The following SPN variants were observed in gnomAD, a reference collection of about 807,000 sequenced individuals.
SPN encodes the protein sialophorin.
In SPN, 6 loss-of-function variants were observed where a neutral mutation model predicts 8.4. The observed-to-expected ratio is 0.72, with a 90% confidence interval of 0.39 to 1.42. SPN has a LOEUF of 1.42. Ranked by LOEUF, SPN falls within the 40% of genes most tolerant of loss-of-function variation. The probability of loss-of-function intolerance (pLI) is 0.02; values close to 1 mark genes in which losing one functional copy is unlikely to be tolerated. For missense variants in SPN, 517 were observed against 530.6 expected (o/e 0.97, Z 0.25); for synonymous variants, 201 against 222.6 (o/e 0.90, Z 0.86).
Position 29,664,989 on chromosome 16 carries a change from C to G in SPN, c.*58C>G. The G allele has an allele frequency of 7.6e-7, 1 of 1,316,158 alleles. No individual in the cohort carries two copies. The highest frequency in any genetic ancestry group is 1.5e-5 in the African/African-American group (1 of 66,046). 81.5% of individuals were successfully genotyped at this position (1,316,158 alleles called of 1,614,324 possible). On this transcript the variant is annotated 3_prime_UTR_variant, in exon 2 of 2. Transcript: ENST00000652691. The surrounding 1 kb of genome is among the most constrained non-coding windows in gnomAD (Gnocchi z 6.4). The stretch of plus-strand genomic sequence containing the variant: ...TCTCAGCCAGCCTCCAGCACCTTCC[C>G]TCTCACCATCCCACTGCCCCCTCGC...
chr16:29,664,195 G>A lies in SPN; in HGVS notation c.467G>A (p.Ser156Asn), dbSNP rs1270577102. The A allele has an allele frequency of 1.2e-6, 2 of 1,613,658 alleles. No individual in the cohort carries two copies. Among genetic ancestry groups the A allele is most frequent in the African/African-American group, 1.3e-5 (1 of 74,806 alleles). ...GGAGCCCCTGTTACCACGGCAGCTA[G>A]CTCTCTGGAGACCTCCAGAGGCACC... Reference protein sequence around the residue: ...TSGAPVTTAASSLETSRGTSG... With the variant: ...TSGAPVTTAANSLETSRGTSG... Residue 156 changes from serine (S) to asparagine (N), a missense_variant, in exon 2 of 2, where the codon AGC becomes AAC. Coordinates refer to ENST00000652691, the MANE Select transcript of SPN (RefSeq NM_003123.6). This position sits in a 1 kb window ranked among gnomAD's most constrained non-coding sequence, Gnocchi z 6.4.
rs985840202 is a variant in SPN, at chr16:29,665,880, T to TGGCCCA, written c.*950_*955dup. On this transcript the variant is annotated 3_prime_UTR_variant, in exon 2 of 2. Transcript: ENST00000652691. ...GGGCACATGGACTGTAGGCTGGCCC[T>TGGCCCA]GGCCCACACCACCACACTCTCCCCA... 1 of 167,116 alleles carries TGGCCCA rather than the reference T, an allele frequency of 6.0e-6. No homozygotes were observed. Among genetic ancestry groups the TGGCCCA allele is most frequent in the Non-Finnish European group, 1.5e-5 (1 of 68,180 alleles). 10.4% of individuals were successfully genotyped at this position (167,116 alleles called of 1,614,324 possible). A position where few individuals can be genotyped will look rare whatever the true frequency, so the allele number is the denominator to read the frequency against.
Position 29,664,576 on chromosome 16 carries a change from G to A in SPN, c.848G>A (p.Arg283Gln), listed in dbSNP as rs774722271. 6.8e-6 allele frequency: 11 copies of A among 1,612,070 alleles called. No homozygotes were observed. Among genetic ancestry groups the A allele is most frequent in the Non-Finnish European group, 8.5e-6 (10 of 1,179,376 alleles). Residue 283 changes from arginine (R) to glutamine (Q), a missense_variant, in exon 2 of 2, where the codon CGG becomes CAG. Arg to Gln is a conservative substitution (Grantham distance 43). Coordinates refer to ENST00000652691, the MANE Select transcript of SPN (RefSeq NM_003123.6). The surrounding 1 kb of genome is among the most constrained non-coding windows in gnomAD (Gnocchi z 6.4). The part of the protein sequence containing the change: ...LLLLWRRRQK[R>Q]RTGALVLSRG... ...CTGCTGTGGCGCCGGCGGCAGAAGC[G>A]GCGGACTGGGGCCCTCGTGCTGAGC...
Position 29,666,903 on chromosome 16 carries a change from T to C in SPN, c.*1972T>C. 2 of 470,614 alleles carry C rather than the reference T, an allele frequency of 4.2e-6. No homozygotes were observed. Among genetic ancestry groups the C allele is most frequent in the Non-Finnish European group, 8.8e-6 (2 of 226,816 alleles). 29.2% of individuals were successfully genotyped at this position (470,614 alleles called of 1,614,324 possible). A position where few individuals can be genotyped will look rare whatever the true frequency, so the allele number is the denominator to read the frequency against. ...AAAGAGGAAATTTTCAAAGAGGAAG[T>C]TGTTGAGTTAGAGCTTGCGGTGGCT... On this transcript the variant is annotated 3_prime_UTR_variant, in exon 2 of 2. Coordinates refer to ENST00000652691, the MANE Select transcript of SPN (RefSeq NM_003123.6).
In SPN at chr16:29,670,252, G is replaced by C. The variant is rs992363422; in HGVS notation, c.*5321G>C. 1 of 153,920 alleles carries C rather than the reference G, an allele frequency of 6.5e-6. No homozygotes were observed. The highest frequency in any genetic ancestry group is 1.9e-4 in the East Asian group (1 of 5,238). The allele number at this position is 153,920 out of a possible 1,614,324, so 9.5% of individuals were successfully genotyped here. On this transcript the variant is annotated 3_prime_UTR_variant, in exon 2 of 2. Coordinates refer to ENST00000652691, the MANE Select transcript of SPN (RefSeq NM_003123.6). ...CTCACACCTGTAATCCCAGCACTTT[G>C]GGAGGCCGAGGCAGTCAGATCATGA... is the stretch of plus-strand genomic sequence containing the variant.
chr16:29,666,522 T>TCA lies in SPN; in HGVS notation c.*1592_*1593insAC, dbSNP rs1395729410. 818 of 137,554 alleles carry TCA rather than the reference T, an allele frequency of 5.9e-3. 2 individuals carry two copies. The highest frequency in any genetic ancestry group is 9.6e-3 in the Admixed American group (123 of 12,820). The allele number at this position is 137,554 out of a possible 1,614,324, so 8.5% of individuals were successfully genotyped here. A position where few individuals can be genotyped will look rare whatever the true frequency, so the allele number is the denominator to read the frequency against. On this transcript the variant is annotated 3_prime_UTR_variant, in exon 2 of 2. Coordinates refer to ENST00000652691, the MANE Select transcript of SPN (RefSeq NM_003123.6). The stretch of plus-strand genomic sequence containing the variant: ...TGTGCGCTCTCTCTCTCTCTCTCTC[T>TCA]CTCACACACACACACACACACACAC...
chr16:29,666,692 G>A lies in SPN; in HGVS notation c.*1761G>A, dbSNP rs1350290397. The A allele has an allele frequency of 2.9e-6, 1 of 348,542 alleles. No homozygotes were observed. Among genetic ancestry groups the A allele is most frequent in the African/African-American group, 2.2e-5 (1 of 46,502 alleles). 21.6% of individuals were successfully genotyped at this position (348,542 alleles called of 1,614,324 possible). ...TCTGTGTCTCCTCTTCCATCCCAGG[G>A]GCTGAGCCCCTTCCATCCTCCAAGA... On this transcript the variant is annotated 3_prime_UTR_variant, in exon 2 of 2. Coordinates refer to ENST00000652691, the MANE Select transcript of SPN (RefSeq NM_003123.6).
Position 29,669,038 on chromosome 16 carries a change from C to A in SPN, c.*4107C>A, listed in dbSNP as rs1163573715. 2.4e-5 allele frequency: 4 copies of A among 165,518 alleles called. No homozygotes were observed. Among genetic ancestry groups the A allele is most frequent in the African/African-American group, 7.3e-5 (3 of 41,026 alleles). The allele number at this position is 165,518 out of a possible 1,614,324, so 10.3% of individuals were successfully genotyped here. A position where few individuals can be genotyped will look rare whatever the true frequency, so the allele number is the denominator to read the frequency against. ...TGGTGCATGCCTGTAGTACCAGCTACTTGAGAAGCTGAGGCAGGAGGACTG... is the reference window on the plus strand; with the variant it reads ...TGGTGCATGCCTGTAGTACCAGCTAATTGAGAAGCTGAGGCAGGAGGACTG... On this transcript the variant is annotated 3_prime_UTR_variant, in exon 2 of 2. Transcript: ENST00000652691.
rs556240980 is a variant in SPN, at chr16:29,664,750, C to G, written c.1022C>G (p.Thr341Arg). The G allele has an allele frequency of 2.1e-5, 32 of 1,488,442 alleles. No individual in the cohort carries two copies. The highest frequency in any genetic ancestry group is 2.8e-5 in the Non-Finnish European group (31 of 1,120,934). 92.2% of individuals were successfully genotyped at this position (1,488,442 alleles called of 1,614,324 possible). The stretch of plus-strand genomic sequence containing the variant: ...GGGGAGGGGTCTAGCCGTCGGCCCA[C>G]GCTCACCACTTTCTTTGGCAGACGG... The part of the protein sequence containing the change: ...PDGEGSSRRP[T>R]LTTFFGRRKS... Residue 341 changes from threonine to arginine, a missense_variant, in exon 2 of 2, where the codon ACG (threonine) becomes AGG (arginine). Coordinates refer to ENST00000652691, the MANE Select transcript of SPN (RefSeq NM_003123.6). This position sits in a 1 kb window ranked among gnomAD's most constrained non-coding sequence, Gnocchi z 6.4.
At position 29,666,830 on chromosome 16, in the gene SPN, C is replaced by T. The variant is rs528782110; in HGVS notation, c.*1899C>T. 41 of 459,608 alleles carry T rather than the reference C, an allele frequency of 8.9e-5. No individual in the cohort carries two copies. Among genetic ancestry groups the T allele is most frequent in the East Asian group, 7.0e-4 (10 of 14,302 alleles). 28.5% of individuals were successfully genotyped at this position (459,608 alleles called of 1,614,324 possible). On this transcript the variant is annotated 3_prime_UTR_variant, in exon 2 of 2. Coordinates refer to ENST00000652691, the MANE Select transcript of SPN (RefSeq NM_003123.6). ...CTGCCTTTGAGACCAGCCCAGGCTACAGCCCAGGAGCACACATGGGCCAGG... is the reference window on the plus strand; with the variant it reads ...CTGCCTTTGAGACCAGCCCAGGCTATAGCCCAGGAGCACACATGGGCCAGG...
In SPN at chr16:29,667,935, C is replaced by T. The variant is rs565362513; in HGVS notation, c.*3004C>T. ...GCATGTGCGTGCGTGCATGTGCGTGCGTGCATGTGCCTGTGTGTGTATGTG... is the reference window on the plus strand; with the variant it reads ...GCATGTGCGTGCGTGCATGTGCGTGTGTGCATGTGCCTGTGTGTGTATGTG... On this transcript the variant is annotated 3_prime_UTR_variant, in exon 2 of 2. Coordinates refer to ENST00000652691, the MANE Select transcript of SPN (RefSeq NM_003123.6). 27 of 166,538 alleles carry T rather than the reference C, an allele frequency of 1.6e-4. No homozygotes were observed. Among genetic ancestry groups the T allele is most frequent in the Non-Finnish European group, 3.1e-4 (21 of 68,160 alleles). The allele number at this position is 166,538 out of a possible 1,614,324, so 10.3% of individuals were successfully genotyped here. A position where few individuals can be genotyped will look rare whatever the true frequency, so the allele number is the denominator to read the frequency against.
chr16:29,662,981 TCTG>T (rs921003686), upstream of SPN: 1 of 152,352 alleles, frequency 6.6e-6, no homozygotes, highest in African/African-American at 2.4e-5. Flanking sequence ...ACCACCCACC[TCTG>T]AGCCCAGCCC....
At position 29,663,863 on chromosome 16, in the gene SPN, C is replaced by T. The variant is rs1225312437; in HGVS notation, c.135C>T (p.Tyr45=). The T allele has an allele frequency of 1.9e-6, 3 of 1,614,162 alleles. No individual in the cohort carries two copies. Among genetic ancestry groups the T allele is most frequent in the Non-Finnish European group, 8.5e-7 (1 of 1,180,022 alleles). ...STSEPLSSKM[Y]TTSITSDPKA... Reference sequence around the variant, plus strand: ...GCGAGCCCCTGAGCTCAAAGATGTACACCACTTCAATAACAAGTGACCCTA... The same window carrying T: ...GCGAGCCCCTGAGCTCAAAGATGTATACCACTTCAATAACAAGTGACCCTA... Residue 45 remains tyrosine, a synonymous_variant, in exon 2 of 2, where the codon TAC becomes TAT. Transcript: ENST00000652691. The surrounding 1 kb of genome is among the most constrained non-coding windows in gnomAD (Gnocchi z 4.3).
rs979633156 is a variant in SPN at position 29,663,538 on chromosome 16, C to T, written c.-34-157C>T. On this transcript the variant is annotated intron_variant, in intron 1 of 1. Coordinates refer to ENST00000652691, the MANE Select transcript of SPN (RefSeq NM_003123.6). This position sits in a 1 kb window ranked among gnomAD's most constrained non-coding sequence, Gnocchi z 4.3. ...GATGGGGGAGCTGCCAGCATCTGTT[C>T]CTCTGTCATTTCTGATAACAGTAAA... 6.6e-6 allele frequency among the ~76,000 whole-genome samples: 1 copy of T among 152,192 alleles called. No homozygotes were observed. Among genetic ancestry groups the T allele is most frequent in the African/African-American group, 2.4e-5 (1 of 41,450 alleles).
Position 29,664,287 on chromosome 16 carries a change from G to C in SPN, c.559G>C (p.Val187Leu), listed in dbSNP as rs746713679. Residue 187 changes from valine (V) to leucine (L), a missense_variant, in exon 2 of 2, where the codon GTT (valine) becomes CTT (leucine). By Grantham distance (32) the Val-to-Leu change is conservative (BLOSUM62 1). Coordinates refer to ENST00000652691, the MANE Select transcript of SPN (RefSeq NM_003123.6). This position sits in a 1 kb window ranked among gnomAD's most constrained non-coding sequence, Gnocchi z 6.4. ...ETSKGTSGPP[V>L]TMATDSLETS... ...TTCCAAAGGCACCTCTGGACCCCCT[G>C]TTACCATGGCAACTGACTCTCTGGA... The C allele has an allele frequency of 9.9e-6, 16 of 1,613,714 alleles. No homozygotes were observed. The highest frequency in any genetic ancestry group is 1.4e-5 in the Non-Finnish European group (16 of 1,179,938).
chr16:29,666,649 G>A lies in SPN; in HGVS notation c.*1718G>A, dbSNP rs1301587628. ...TCTGGCTGGCGCTTCCCCACTGCAC[G>A]TTTCCAGGTTTAGTTTGTCTGTGTC... On this transcript the variant is annotated 3_prime_UTR_variant, in exon 2 of 2. Coordinates refer to ENST00000652691, the MANE Select transcript of SPN (RefSeq NM_003123.6). 12 of 313,084 alleles carry A rather than the reference G, an allele frequency of 3.8e-5. 1 individual carries two copies. Among genetic ancestry groups the A allele is most frequent in the South Asian group, 9.2e-5 (3 of 32,530 alleles). 19.4% of individuals were successfully genotyped at this position (313,084 alleles called of 1,614,324 possible).
rs1173265308 is a variant in SPN, at chr16:29,667,932, G to A, written c.*3001G>A. On this transcript the variant is annotated 3_prime_UTR_variant, in exon 2 of 2. Transcript: ENST00000652691. Reference sequence around the variant, plus strand: ...TGTGCATGTGCGTGCGTGCATGTGCGTGCGTGCATGTGCCTGTGTGTGTAT... The same window carrying A: ...TGTGCATGTGCGTGCGTGCATGTGCATGCGTGCATGTGCCTGTGTGTGTAT... The A allele has an allele frequency of 3.0e-5, 5 of 166,640 alleles. No individual in the cohort carries two copies. The highest frequency in any genetic ancestry group is 9.7e-5 in the African/African-American group (4 of 41,384). The allele number at this position is 166,640 out of a possible 1,614,324, so 10.3% of individuals were successfully genotyped here.
chr16:29,668,940 G>C lies in SPN; in HGVS notation c.*4009G>C, dbSNP rs1186235837. 2 of 166,276 alleles carry C rather than the reference G, an allele frequency of 1.2e-5. No homozygotes were observed. Among genetic ancestry groups the C allele is most frequent in the Non-Finnish European group, 2.9e-5 (2 of 68,090 alleles). 10.3% of individuals were successfully genotyped at this position (166,276 alleles called of 1,614,324 possible). On this transcript the variant is annotated 3_prime_UTR_variant, in exon 2 of 2. Transcript: ENST00000652691. ...AGCAGGGAGGATTGCTTGAGTCTAG[G>C]AGTTCAAGACCAGCCTGGGTAACAT...
chr16:29,667,144 G>A lies in SPN; in HGVS notation c.*2213G>A. On this transcript the variant is annotated 3_prime_UTR_variant, in exon 2 of 2. Coordinates refer to ENST00000652691, the MANE Select transcript of SPN (RefSeq NM_003123.6). ...AACCAGCTTCTACCAGCCAGGCTGGGCACCCACTGGGCTGCATCTGGTGGC... is the reference window on the plus strand; with the variant it reads ...AACCAGCTTCTACCAGCCAGGCTGGACACCCACTGGGCTGCATCTGGTGGC... 2.4e-6 allele frequency: 1 copy of A among 419,072 alleles called. No individual in the cohort carries two copies. Among genetic ancestry groups the A allele is most frequent in the South Asian group, 1.7e-5 (1 of 58,172 alleles). 26.0% of individuals were successfully genotyped at this position (419,072 alleles called of 1,614,324 possible).
Sources: gnomAD v4.1 joint callset for allele counts (sites outside exome capture counted in the v4.1 genomes callset) on GRCh38, gnomAD v4.1.1 for gene constraint, Gnocchi (gnomAD v3.1) non-coding constraint, MANE v1.5 for transcripts, NCBI Gene and HGNC (gene_info 2026-07-23, HGNC 2026-07-21) for gene names.